SLIT3: variants seen among roughly 807,000 people sequenced by gnomAD.
SLIT3 encodes the protein slit guidance ligand 3, also known as slit homolog 3 protein.
In SLIT3, 68 loss-of-function variants were observed where a neutral mutation model predicts 184.0. The ratio of observed to expected loss-of-function variants is 0.37; its 90% confidence interval spans 0.30 to 0.45. The LOEUF is 0.45. Ranked by LOEUF, SLIT3 falls within the 20% of genes least tolerant of loss-of-function variation. The pLI is 1.00. For synonymous variants in SLIT3, 831 were observed against 828.6 expected (o/e 1.00, Z -0.05); for missense variants, 1,707 against 2,026.0 (o/e 0.84, Z 3.02).
At chr5:168,920,775 T>C (rs1444611395) in intron 4 of SLIT3, among the ~76,000 whole-genome samples, 1 of 152,008 alleles carries the variant, frequency 6.6e-6, no homozygotes, top group African/African-American at 2.4e-5. Flanking sequence ...TTTCTTTTTC[T>C]AGCTTATTTA....
At chr5:168,951,161 A>G (rs1278599787) in intron 4 of SLIT3, among the ~76,000 whole-genome samples, 1 of 152,216 alleles carries the variant, frequency 6.6e-6, no homozygotes. Context: ...TGGAGGTTGC[A>G]GTGAGCCAAG....
chr5:168,928,428 G>A (rs1761896192), intron 4 of SLIT3, among the ~76,000 whole-genome samples: 1 of 152,166 alleles, frequency 6.6e-6, no homozygotes, highest in South Asian at 2.1e-4. Context: ...GAACCACCGT[G>A]AGAGTTCACA....
At chr5:168,891,919 G>A (rs1760478841) in intron 4 of SLIT3, among the ~76,000 whole-genome samples, 1 of 152,176 alleles carries the variant, frequency 6.6e-6, no homozygotes, top group Non-Finnish European at 1.5e-5. Flanking sequence ...AAAGCGAGCT[G>A]GGGATGTTAT....
chr5:168,820,191 G>A (rs1757477864), intron 7 of SLIT3, among the ~76,000 whole-genome samples: 1 of 152,130 alleles, frequency 6.6e-6, no homozygotes, highest in South Asian at 2.1e-4. Flanking sequence ...AATAGTTTTG[G>A]TGAGGTGTGA....
chr5:168,692,751 C>G (rs1337517708), intron 28 of SLIT3, 51 bp from the exon 29 acceptor site: 2 of 1,375,532 alleles, frequency 1.5e-6, no homozygotes, highest in Non-Finnish European at 2.1e-6. Flanking sequence ...TAGGGATGCC[C>G]TGGCCAGAAG....
chr5:169,128,283 T>TAC (rs1761158998), intron 4 of SLIT3, among the ~76,000 whole-genome samples: 1 of 148,118 alleles, frequency 6.8e-6, no homozygotes, highest in African/African-American at 2.4e-5. Flanking sequence ...TTTATATATA[T>TAC]ATATATAATT....
chr5:168,923,010 T>C (rs969608513), intron 4 of SLIT3, among the ~76,000 whole-genome samples: 1 of 152,158 alleles, frequency 6.6e-6, no homozygotes, highest in African/African-American at 2.4e-5. Flanking sequence ...GATACTTTCA[T>C]TAAGAGGTTG....
intron 5 of SLIT3, among the ~76,000 whole-genome samples, chr5:168,847,476 C>A (rs1365719072): frequency 1.3e-5 from 2 of 152,234 alleles, no homozygotes; most frequent in African/African-American, 4.8e-5. Flanking sequence ...ACAGCGGTTA[C>A]TCCACTTCCC....
At chr5:169,293,976 C>A (rs1767429041) in intron 1 of SLIT3, among the ~76,000 whole-genome samples, 1 of 152,206 alleles carries the variant, frequency 6.6e-6, no homozygotes, top group African/African-American at 2.4e-5. Context: ...GGATGGAGAA[C>A]AATGAAGAAC....
At chr5:168,891,659 T>C (rs12521361) in intron 4 of SLIT3, among the ~76,000 whole-genome samples, 58,294 of 152,010 alleles carry the variant, frequency 0.38, 11,924 homozygotes, top group East Asian at 0.61. Flanking sequence ...GGAGATAAGA[T>C]GCTTGGTCCC....
chr5:168,864,110 T>G (rs1457043716), intron 5 of SLIT3, among the ~76,000 whole-genome samples: 1 of 151,674 alleles, frequency 6.6e-6, no homozygotes, highest in African/African-American at 2.4e-5. Context: ...CTGCAGGGGC[T>G]GAGGCAGAAG....
chr5:168,785,977 C>G lies in SLIT3; in HGVS notation c.1081G>C (p.Val361Leu), dbSNP rs149272735. Residue 361 changes from valine (V) to leucine (L), a missense_variant and splice_region_variant, in exon 12 of 36, where the codon GTC becomes CTC. This residue lies in a region of SLIT3 where 1,307 missense variants were observed against 1,511.6 expected (regional missense o/e 0.86). Coordinates refer to ENST00000519560, the MANE Select transcript of SLIT3 (RefSeq NM_003062.4). Reference protein sequence around the residue: ...FQGLKSLTSLVLYGNKITEIV... With the variant: ...FQGLKSLTSLLLYGNKITEIV... ...TCGGTGATCTTGTTCCCATACAGGA[C>G]CCTGAAAGAGAGAAGGAGAAGACAG... 1.9e-6 allele frequency: 3 copies of G among 1,608,410 alleles called. No homozygotes were observed. Among genetic ancestry groups the G allele is most frequent in the Admixed American group, 3.3e-5 (2 of 59,990 alleles).
At chr5:168,691,734 T>A (rs972982264) in intron 29 of SLIT3, among the ~76,000 whole-genome samples, 3 of 152,154 alleles carry the variant, frequency 2.0e-5, no homozygotes, top group African/African-American at 7.2e-5. Flanking sequence ...TGGACAGAGA[T>A]TGCTGGGAGA....
chr5:168,776,663 C>T (rs1755758738), intron 12 of SLIT3, among the ~76,000 whole-genome samples: 1 of 152,118 alleles, frequency 6.6e-6, no homozygotes, highest in Non-Finnish European at 1.5e-5. Context: ...AACATCCCTC[C>T]CCCCTGCAAA....
At chr5:168,981,251 C>G (rs1210073086) in intron 4 of SLIT3, among the ~76,000 whole-genome samples, 1 of 152,146 alleles carries the variant, frequency 6.6e-6, no homozygotes, top group Non-Finnish European at 1.5e-5. Flanking sequence ...CATTAATATG[C>G]ATTTGGCTCA....
chr5:169,120,064 T>C (rs1760824590), intron 4 of SLIT3: 1 of 152,202 alleles, frequency 6.6e-6, no homozygotes, highest in South Asian at 2.1e-4. Context: ...ATGTGCAAAA[T>C]GGAACAGAAC....
intron 4 of SLIT3, among the ~76,000 whole-genome samples, chr5:168,909,021 G>A (rs769599871): frequency 3.9e-5 from 6 of 152,126 alleles, no homozygotes; most frequent in South Asian, 2.1e-4. Context: ...CCAGGTACCC[G>A]CCAGGCTTCT....
intron 4 of SLIT3, among the ~76,000 whole-genome samples, chr5:169,156,571 A>T (rs1762312474): frequency 6.6e-6 from 1 of 152,154 alleles, no homozygotes; most frequent in Non-Finnish European, 1.5e-5. Context: ...CTTGGTGGAG[A>T]GCATCTTCTA....
At chr5:168,791,835 T>TTC (rs1216623797) in intron 10 of SLIT3, 3 of 152,238 alleles carry the variant, frequency 2.0e-5, no homozygotes, top group African/African-American at 7.2e-5. Flanking sequence ...TTGAACTTAC[T>TTC]TCTCCTGTCT....
Sources: gnomAD v4.1 joint callset for allele counts (sites outside exome capture counted in the v4.1 genomes callset) on GRCh38, gnomAD v4.1.1 for gene constraint, gnomAD v4.1.1 regional missense constraint, MANE v1.5 for transcripts, NCBI Gene and HGNC (gene_info 2026-07-23, HGNC 2026-07-21) for gene names.